The following RND1 variants were observed in gnomAD, a reference collection of about 807,000 sequenced individuals.
RND1 encodes Rho family GTPase 1.
Under a neutral mutation model 27.1 loss-of-function variants are expected in RND1, and 9 were observed. That is an observed-to-expected ratio of 0.33 (90% CI 0.20 to 0.58). The LOEUF is 0.58. Ranked by LOEUF, RND1 falls within the 20% of genes least tolerant of loss-of-function variation. RND1 has a pLI of 0.86. For synonymous variants in RND1, 108 were observed against 115.7 expected, an observed-to-expected ratio of 0.93 and a Z score of 0.43; for missense variants, 253 against 292.2, an observed-to-expected ratio of 0.87 and a Z score of 0.98.
chr12:48,860,005 T>C lies in RND1; in HGVS notation c.453+992A>G, dbSNP rs371315539. Among the ~76,000 whole-genome samples, 88 of 151,822 alleles carry C rather than the reference T, an allele frequency of 5.8e-4. No homozygotes were observed. The East Asian group carries it at 0.015, about 26-fold the overall frequency. On this transcript the variant is annotated intron_variant, in intron 4 of 4. Coordinates refer to ENST00000309739, the MANE Select transcript of RND1 (RefSeq NM_014470.4). ...GTTGGCCAGGCTGGTCTTGAACTCC[T>C]GACCTGAAGTGATCCACCTGCCTCC...
chr12:48,865,445 G>A, intron 1 of RND1: 1 of 607,816 alleles, frequency 1.6e-6, no homozygotes, highest in Non-Finnish European at 2.9e-6. Context: ...GAGCCAGCGG[G>A]GCGGCAGAAG....
Position 48,859,527 on chromosome 12 carries a change from C to T in RND1, c.454-1286G>A, listed in dbSNP as rs375377056. 1.2e-4 allele frequency among the ~76,000 whole-genome samples: 18 copies of T among 152,032 alleles called. No homozygotes were observed. The South Asian group carries it at 3.5e-3, about 30-fold the overall frequency. On this transcript the variant is annotated intron_variant, in intron 4 of 4. Transcript: ENST00000309739. ...TGCACTCCAGCCTGGGTGACAAGAG[C>T]GAAACTCAGTCCCCCAACCCTATGC... is the stretch of plus-strand genomic sequence containing the variant.
At chr12:48,859,547 C>T (rs1233342269) in intron 4 of RND1, among the ~76,000 whole-genome samples, 1 of 151,892 alleles carries the variant, frequency 6.6e-6, no homozygotes, top group Non-Finnish European at 1.5e-5. Flanking sequence ...TCCCCCAACC[C>T]TATGCTCTCA....
chr12:48,865,738 G>C lies in RND1; in HGVS notation c.30C>G (p.Val10=). The C allele has an allele frequency of 6.2e-7, 1 of 1,608,690 alleles. No individual in the cohort carries two copies. Among genetic ancestry groups the C allele is most frequent in the Non-Finnish European group, 8.5e-7 (1 of 1,175,866 alleles). Residue 10 remains valine (V), a synonymous_variant, in exon 1 of 5, where the codon GTC becomes GTG. Transcript: ENST00000309739. ...CCAGAACGAGCTTACATCTGGCCAC[G>C]ACTGGCTGGGGGGCCCGTCTCTCCT... MKERRAPQP[V]VARCKLVLVG...
rs1326539062 is a variant in RND1, at chr12:48,864,665, T to C, written c.208+118A>G. The stretch of plus-strand genomic sequence containing the variant: ...GTCAGCCCTCCCCACAACTAATGAG[T>C]CTTCAGATCCTCTTTTTTCACTTCT... On this transcript the variant is annotated intron_variant, in intron 2 of 4. Transcript: ENST00000309739. 11 of 806,278 alleles carry C rather than the reference T, an allele frequency of 1.4e-5. No individual in the cohort carries two copies. In the Admixed American group the frequency reaches 1.6e-4, roughly 12 times the overall value. The allele number at this position is 806,278 out of a possible 1,614,324, so 49.9% of individuals were successfully genotyped here. A position where few individuals can be genotyped will look rare whatever the true frequency, so the allele number is the denominator to read the frequency against.
At chr12:48,864,967 G>T in intron 1 of RND1, 97 bp from the exon 2 acceptor site, 1 of 925,750 alleles carries the variant, frequency 1.1e-6, no homozygotes, top group Non-Finnish European at 1.8e-6. Context: ...AGACAGTAAA[G>T]TCACAGGAGA....
chr12:48,865,271 A>T, intron 1 of RND1: 2 of 375,430 alleles, frequency 5.3e-6, no homozygotes, highest in South Asian at 5.2e-5. Context: ...CTGAAGGCAC[A>T]GGCATAGAGC....
intron 4 of RND1, 148 bp from the exon 5 acceptor site, chr12:48,858,389 C>CTTTTTTTTTTTT: frequency 1.8e-6 from 1 of 540,798 alleles, no homozygotes; most frequent in Non-Finnish European, 2.9e-6. Flanking sequence ...ATTATCTTTT[C>CTTTTTTTTTTTT]TTTTTTTTTT....
At chr12:48,858,298 C>T in intron 4 of RND1, 57 bp from the exon 5 acceptor site, 1 of 1,578,652 alleles carries the variant, frequency 6.3e-7, no homozygotes, top group Non-Finnish European at 8.6e-7. Context: ...TGGGACGCTG[C>T]CTCTGTGCGT....
In RND1 at chr12:48,857,938, G is replaced by T; in HGVS notation, c.*58C>A. On this transcript the variant is annotated 3_prime_UTR_variant, in exon 5 of 5. Coordinates refer to ENST00000309739, the MANE Select transcript of RND1 (RefSeq NM_014470.4). The stretch of plus-strand genomic sequence containing the variant: ...AAATTGTCTCATCCTCCCTCTCCCC[G>T]TGCCTCTGCACCCCAAGGGAGGAAG... The T allele has an allele frequency of 6.5e-7, 1 of 1,529,732 alleles. No homozygotes were observed. The highest frequency in any genetic ancestry group is 8.8e-7 in the Non-Finnish European group (1 of 1,139,852). 94.8% of individuals were successfully genotyped at this position (1,529,732 alleles called of 1,614,324 possible).
intron 3 of RND1, among the ~76,000 whole-genome samples, 176 bp from the exon 4 acceptor site, chr12:48,861,307 G>T (rs986347172): frequency 2.6e-5 from 4 of 152,074 alleles, no homozygotes; most frequent in Non-Finnish European, 4.4e-5. Flanking sequence ...TCATTTTCCT[G>T]CCCATGAGGC....
intron 2 of RND1, among the ~76,000 whole-genome samples, chr12:48,862,487 C>T (rs1938930653): frequency 6.6e-6 from 1 of 152,156 alleles, no homozygotes; most frequent in South Asian, 2.1e-4. Context: ...TAGAGCCTGC[C>T]TGCTGCCCAA....
At chr12:48,860,557 ATTTTTTTTTT>A (rs34655698) in intron 4 of RND1, among the ~76,000 whole-genome samples, 4 of 70,648 alleles carry the variant, frequency 5.7e-5, no homozygotes, top group African/African-American at 1.8e-4. Flanking sequence ...ACACCCAGCT[ATTTTTTTTTT>A]TTTTTTTTTT....
At chr12:48,863,585 G>A (rs1938946523) in intron 2 of RND1, among the ~76,000 whole-genome samples, 1 of 152,136 alleles carries the variant, frequency 6.6e-6, no homozygotes, top group Non-Finnish European at 1.5e-5. Context: ...GCATAGCACA[G>A]CCCAGGAGAA....
In RND1 at chr12:48,860,595, C is replaced by A. The variant is rs1201212582; in HGVS notation, c.453+402G>T. ...TTTTTTTTTTTTTGGTAGAGACAGT[C>A]TTGCTTTGTTGCCCAGGCTTATCTC... is the stretch of plus-strand genomic sequence containing the variant. On this transcript the variant is annotated intron_variant, in intron 4 of 4. Coordinates refer to ENST00000309739, the MANE Select transcript of RND1 (RefSeq NM_014470.4). Among the ~76,000 whole-genome samples, 3 of 111,310 alleles carry A rather than the reference C, an allele frequency of 2.7e-5. No individual in the cohort carries two copies. In the East Asian group the frequency reaches 8.7e-4, roughly 32 times the overall value. 73.0% of individuals were successfully genotyped at this position (111,310 alleles called of 152,430 possible). A position where few individuals can be genotyped will look rare whatever the true frequency, so the allele number is the denominator to read the frequency against.
intron 3 of RND1, 45 bp from the exon 4 acceptor site, chr12:48,861,176 G>T: frequency 6.4e-7 from 1 of 1,563,070 alleles, no homozygotes; most frequent in South Asian, 1.2e-5. Context: ...GAGGAAGGAA[G>T]GAGAGTTAGT....
rs1400874748 is a variant in RND1 at position 48,862,073 on chromosome 12, G to A, written c.254C>T (p.Ser85Leu). Reference protein sequence around the residue: ...DNVRPLCYSDSDAVLLCFDIS... With the variant: ...DNVRPLCYSDLDAVLLCFDIS... ...GTCAAAACATAGTAATACTGCATCCGAGTCGCTGTAGCAGAGTGGACGGAC... is the reference window on the plus strand; with the variant it reads ...GTCAAAACATAGTAATACTGCATCCAAGTCGCTGTAGCAGAGTGGACGGAC... The change falls in exon 3 of 5, where the codon TCG becomes TTG. Residue 85 changes from serine to leucine, a missense_variant. Ser to Leu is a moderately radical substitution (Grantham distance 145). Transcript: ENST00000309739. The A allele has an allele frequency of 1.2e-6, 2 of 1,613,474 alleles. No individual in the cohort carries two copies. Among genetic ancestry groups the A allele is most frequent in the East Asian group, 2.2e-5 (1 of 44,900 alleles).
chr12:48,857,811 A>G lies in RND1; in HGVS notation c.*185T>C. The G allele has an allele frequency of 1.7e-6, 1 of 593,664 alleles. No individual in the cohort carries two copies. Among genetic ancestry groups the G allele is most frequent in the Non-Finnish European group, 2.7e-6 (1 of 368,008 alleles). 36.8% of individuals were successfully genotyped at this position (593,664 alleles called of 1,614,324 possible). A position where few individuals can be genotyped will look rare whatever the true frequency, so the allele number is the denominator to read the frequency against. On this transcript the variant is annotated 3_prime_UTR_variant, in exon 5 of 5. Transcript: ENST00000309739. ...GCTTGGGGTATGATGGTTCTCTCTC[A>G]GCGTCAGGTCCTCATGCCGGGCCTG... is the stretch of plus-strand genomic sequence containing the variant.
intron 3 of RND1, 68 bp downstream of exon 3, chr12:48,861,941 T>C (rs923450974): frequency 2.2e-6 from 2 of 925,784 alleles, no homozygotes; most frequent in Non-Finnish European, 3.6e-6. Context: ...AGGGCATTCA[T>C]GACAAGGTCC....
Sources: gnomAD v4.1 joint callset for allele counts (sites outside exome capture counted in the v4.1 genomes callset) on GRCh38, gnomAD v4.1.1 for gene constraint, MANE v1.5 for transcripts, NCBI Gene and HGNC (gene_info 2026-07-23, HGNC 2026-07-21) for gene names.